Variants in LSM14B observed in about 807,000 individuals in gnomAD.
LSM14B encodes the protein LSM family member 14B.
LSM14B carries 8 observed loss-of-function variants against 42.1 expected under a neutral mutation model. That is an observed-to-expected ratio of 0.19 (90% CI 0.11 to 0.34). LSM14B has a LOEUF of 0.34. Ranked by LOEUF, LSM14B falls within the 10% of genes least tolerant of loss-of-function variation. LSM14B has a pLI of 1.00. For synonymous variants in LSM14B, 219 were observed against 209.7 expected (o/e 1.04, Z -0.38); for missense variants, 396 against 513.1 (o/e 0.77, Z 2.21).
chr20:62,133,170 C>G, intron 7 of LSM14B, 120 bp from the exon 8 acceptor site: 1 of 1,284,156 alleles, frequency 7.8e-7, no homozygotes, highest in Non-Finnish European at 1.1e-6. Flanking sequence ...GGGGCCGCCC[C>G]TTCCCTGTAG....
Position 62,122,660 on chromosome 20 carries a change from C to T in LSM14B, c.-7C>T. The T allele has an allele frequency of 1.4e-6, 2 of 1,427,282 alleles. No homozygotes were observed. Among genetic ancestry groups the T allele is most frequent in the Non-Finnish European group, 1.9e-6 (2 of 1,072,448 alleles). The allele number at this position is 1,427,282 out of a possible 1,614,324, so 88.4% of individuals were successfully genotyped here. On this transcript the variant is annotated 5_prime_UTR_variant, in exon 1 of 9. Transcript: ENST00000279068. The surrounding 1 kb of genome is among the most constrained non-coding windows in gnomAD (Gnocchi z 4.6). The stretch of plus-strand genomic sequence containing the variant: ...CCACCGCGGCCCGACGCACCCCGGC[C>T]GCCGCCATGAGCGGCTCCTCAGGCA...
chr20:62,131,028 G>A (rs1243642818), intron 6 of LSM14B, among the ~76,000 whole-genome samples: 3 of 152,154 alleles, frequency 2.0e-5, no homozygotes, highest in African/African-American at 4.8e-5. Context: ...CCAGCCGGGC[G>A]ATAGAGCAAG....
chr20:62,131,591 G>A, intron 7 of LSM14B, 85 bp downstream of exon 7: 1 of 1,526,480 alleles, frequency 6.6e-7, no homozygotes, highest in African/African-American at 1.4e-5. Context: ...GGGCAGAGCT[G>A]GACTCTGAGG....
In LSM14B at chr20:62,130,556, A is replaced by G. The variant is rs2056737825; in HGVS notation, c.700A>G (p.Arg234Gly). 1 of 1,613,822 alleles carries G rather than the reference A, an allele frequency of 6.2e-7. No individual in the cohort carries two copies. The highest frequency in any genetic ancestry group is 8.5e-7 in the Non-Finnish European group (1 of 1,179,884). ...SGNRRTRNRS[R>G]GQNRPTNVKE... ...AAACAGGCGAACAAGGAATCGCTCC[A>G]GAGGGCAAAACCGTCCAACTAACGT... is the stretch of plus-strand genomic sequence containing the variant. Residue 234 changes from arginine (R) to glycine (G), a missense_variant, in exon 6 of 9, where the codon AGA (arginine) becomes GGA (glycine). Physicochemically the swap from Arg to Gly is moderately radical, Grantham distance 125 (BLOSUM62 -2). This residue lies in a region of LSM14B where 274 missense variants were observed against 335.8 expected (regional missense o/e 0.82). Transcript: ENST00000279068. The surrounding 1 kb of genome is among the most constrained non-coding windows in gnomAD (Gnocchi z 4.1).
chr20:62,134,092 C>T (rs1299613398), intron 8 of LSM14B, 71 bp from the exon 9 acceptor site: 2 of 380,420 alleles, frequency 5.3e-6, no homozygotes, highest in Non-Finnish European at 1.1e-5. Flanking sequence ...CTGAGTGGCT[C>T]CTGCTCGCCA....
intron 7 of LSM14B, among the ~76,000 whole-genome samples, chr20:62,132,289 G>A (rs920336676): frequency 4.6e-5 from 7 of 152,244 alleles, no homozygotes; most frequent in African/African-American, 1.4e-4. Flanking sequence ...CAGACAGGCC[G>A]AGTCTGGGGG....
chr20:62,134,874 G>T lies in LSM14B; in HGVS notation c.*726G>T. 6.5e-6 allele frequency: 1 copy of T among 153,230 alleles called. No homozygotes were observed. The highest frequency in any genetic ancestry group is 1.5e-5 in the Non-Finnish European group (1 of 68,726). The allele number at this position is 153,230 out of a possible 1,614,324, so 9.5% of individuals were successfully genotyped here. ...GGTGTCCACAAGCTTCCAGGTTGGG[G>T]TTGGAGCCTGGGATGAGCCCCGGCA... On this transcript the variant is annotated 3_prime_UTR_variant, in exon 9 of 9. Coordinates refer to ENST00000279068, the MANE Select transcript of LSM14B (RefSeq NM_144703.3).
At position 62,130,198 on chromosome 20, in the gene LSM14B, C is replaced by A. The variant is rs764744013; in HGVS notation, c.596-21C>A. On this transcript the variant is annotated intron_variant, in intron 4 of 8. Transcript: ENST00000279068. The surrounding 1 kb of genome is among the most constrained non-coding windows in gnomAD (Gnocchi z 4.1). ...CGGCTGCTATAGGAGCTTTGCCTTA[C>A]TCTTCCCTTTTGCGCCGTAGATGTA... 9.5e-6 allele frequency: 15 copies of A among 1,580,254 alleles called. No homozygotes were observed. The highest frequency in any genetic ancestry group is 1.0e-5 in the Non-Finnish European group (12 of 1,163,366).
chr20:62,130,157 GCTGGGTT>G lies in LSM14B; in HGVS notation c.596-57_596-51del. The G allele has an allele frequency of 6.5e-7, 1 of 1,546,802 alleles. No individual in the cohort carries two copies. Among genetic ancestry groups the G allele is most frequent in the Non-Finnish European group, 8.7e-7 (1 of 1,143,532 alleles). ...CATGGTGGTGGGGCCTGCTTCCACA[GCTGGGTT>G]CTGGCTTCCGGCTGCTATAGGAGCT... On this transcript the variant is annotated intron_variant, in intron 4 of 8. Transcript: ENST00000279068. This position sits in a 1 kb window ranked among gnomAD's most constrained non-coding sequence, Gnocchi z 4.1.
rs2056850627 is a variant in LSM14B, at chr20:62,134,362, CTT to C, written c.*216_*217del. On this transcript the variant is annotated 3_prime_UTR_variant, in exon 9 of 9. Coordinates refer to ENST00000279068, the MANE Select transcript of LSM14B (RefSeq NM_144703.3). ...TTGGGGAAGTATTCATGGGTAACCT[CTT>C]TGAGGTCTCTTTATCTGTGTTTCCT... 2 of 469,926 alleles carry C rather than the reference CTT, an allele frequency of 4.3e-6. No individual in the cohort carries two copies. The highest frequency in any genetic ancestry group is 8.8e-6 in the Non-Finnish European group (2 of 226,652). 29.1% of individuals were successfully genotyped at this position (469,926 alleles called of 1,614,324 possible).
intron 2 of LSM14B, among the ~76,000 whole-genome samples, chr20:62,125,968 G>A (rs2056585440): frequency 6.6e-6 from 1 of 152,186 alleles, no homozygotes; most frequent in Admixed American, 6.5e-5. Context: ...GCTGAGGCTG[G>A]GAGAATCGCT....
Position 62,133,418 on chromosome 20 carries a change from G to A in LSM14B, c.1115G>A (p.Arg372His), listed in dbSNP as rs368601204. ...GGAGGCAGGGGCAATGGGACCACCC[G>A]TCGCAACCCCACTTCCCACAGGGCC... is the stretch of plus-strand genomic sequence containing the variant. ...FRGGRGNGTT[R>H]RNPTSHRAGT... Residue 372 changes from arginine to histidine, a missense_variant, in exon 8 of 9, where the codon CGT (arginine) becomes CAT (histidine). Arg to His is a conservative substitution (Grantham distance 29). Around this residue, in one of 3 missense-constraint regions of LSM14B, gnomAD observed 118 missense variants for 156.4 expected, o/e 0.75. Transcript: ENST00000279068. 3.0e-5 allele frequency: 48 copies of A among 1,613,064 alleles called. 1 individual carries two copies. The South Asian group carries it at 3.5e-4, about 12-fold the overall frequency.
chr20:62,131,512 A>G lies in LSM14B; in HGVS notation c.986+6A>G. ...TCTTCTGAACTCAAGACCAGGTGAG[A>G]GGCTGAATGAATGAGGGGAGGACAG... On this transcript the variant is annotated splice_donor_region_variant and intron_variant, in intron 7 of 8. Transcript: ENST00000279068. 2 of 1,612,256 alleles carry G rather than the reference A, an allele frequency of 1.2e-6. No homozygotes were observed. Among genetic ancestry groups the G allele is most frequent in the Non-Finnish European group, 1.7e-6 (2 of 1,179,836 alleles).
At chr20:62,132,057 A>G (rs987638979) in intron 7 of LSM14B, among the ~76,000 whole-genome samples, 3 of 152,248 alleles carry the variant, frequency 2.0e-5, no homozygotes, top group African/African-American at 2.4e-5. Flanking sequence ...TTTGTCCTGC[A>G]GATTGAGCGC....
Position 62,122,805 on chromosome 20 carries a change from C to T in LSM14B, c.127+12C>T, listed in dbSNP as rs775733891. 1.1e-5 allele frequency: 17 copies of T among 1,488,608 alleles called. No individual in the cohort carries two copies. The South Asian group carries it at 1.3e-4, about 12-fold the overall frequency. 92.2% of individuals were successfully genotyped at this position (1,488,608 alleles called of 1,614,324 possible). The stretch of plus-strand genomic sequence containing the variant: ...GGCGCTCGCCAAAGGTAGCGGCCGC[C>T]GCCCGCCCGAGCCCGCTGACCCCCG... On this transcript the variant is annotated intron_variant, in intron 1 of 8. Coordinates refer to ENST00000279068, the MANE Select transcript of LSM14B (RefSeq NM_144703.3). This position sits in a 1 kb window ranked among gnomAD's most constrained non-coding sequence, Gnocchi z 4.6.
intron 3 of LSM14B, chr20:62,127,692 A>AG: frequency 6.5e-7 from 1 of 1,549,898 alleles, no homozygotes; most frequent in Non-Finnish European, 8.7e-7. Context: ...ACAGCAGCTC[A>AG]CTGCCAAGGG....
chr20:62,125,309 C>G (rs1196676437), intron 2 of LSM14B, among the ~76,000 whole-genome samples: 1 of 152,184 alleles, frequency 6.6e-6, no homozygotes, highest in Non-Finnish European at 1.5e-5. Flanking sequence ...TTAAGGAAGG[C>G]GACCTGGGGA....
chr20:62,126,366 A>C lies in LSM14B; in HGVS notation c.354A>C (p.Arg118=). The change falls in exon 3 of 9, where the codon CGA becomes CGC. Residue 118 remains arginine, a synonymous_variant. Transcript: ENST00000279068. ...FQPHVPYSPF[R]GMAPYGPLAA... is the part of the protein sequence containing the mutation. ...CGCACGTGCCTTACAGCCCTTTCCG[A>C]GGGATGGCGCCCTACGGCCCGCTGG... 1 of 1,613,246 alleles carries C rather than the reference A, an allele frequency of 6.2e-7. No homozygotes were observed. Among genetic ancestry groups the C allele is most frequent in the South Asian group, 1.1e-5 (1 of 91,052 alleles).
In LSM14B at chr20:62,131,622, G is replaced by A. The variant is rs1004760986; in HGVS notation, c.986+116G>A. Reference sequence around the variant, plus strand: ...TGAGGCTCAGGGTAGCTGTTCTAGGGTCCTGCTTGCGTTTCTGCATGATGG... The same window carrying A: ...TGAGGCTCAGGGTAGCTGTTCTAGGATCCTGCTTGCGTTTCTGCATGATGG... On this transcript the variant is annotated intron_variant, in intron 7 of 8. Transcript: ENST00000279068. 5.6e-5 allele frequency: 75 copies of A among 1,342,546 alleles called. No homozygotes were observed. In the Middle Eastern group the frequency reaches 9.9e-4, roughly 18 times the overall value. The allele number at this position is 1,342,546 out of a possible 1,614,324, so 83.2% of individuals were successfully genotyped here.
Sources: gnomAD v4.1 joint callset for allele counts (sites outside exome capture counted in the v4.1 genomes callset) on GRCh38, gnomAD v4.1.1 for gene constraint, gnomAD v4.1.1 regional missense constraint, Gnocchi (gnomAD v3.1) non-coding constraint, MANE v1.5 for transcripts, NCBI Gene and HGNC (gene_info 2026-07-23, HGNC 2026-07-21) for gene names.